The following PTPRG variants were observed in gnomAD, a reference collection of about 807,000 sequenced individuals.
The protein encoded by PTPRG is protein tyrosine phosphatase receptor type G.
Under a neutral mutation model 165.3 loss-of-function variants are expected in PTPRG, and 102 were observed. That is an observed-to-expected ratio of 0.62 (90% CI 0.53 to 0.73). The LOEUF is 0.73. Among genes scored for constraint, PTPRG ranks in the 30% least tolerant of loss-of-function variants. PTPRG has a pLI of 0.00. For synonymous variants in PTPRG, 675 were observed against 669.5 expected, an observed-to-expected ratio of 1.01 and a Z score of -0.13; for missense variants, 1,866 against 1,861.4, an observed-to-expected ratio of 1.00 and a Z score of -0.05.
chr3:61,886,177 A>G (rs1559669408), intron 2 of PTPRG, among the ~76,000 whole-genome samples: 1 of 152,138 alleles, frequency 6.6e-6, no homozygotes, highest in Non-Finnish European at 1.5e-5. Context: ...CCTTCCTTCC[A>G]ATTTCAAATC....
chr3:61,945,499 C>T (rs2039735036), intron 2 of PTPRG, among the ~76,000 whole-genome samples: 1 of 128,028 alleles, frequency 7.8e-6, no homozygotes, highest in Admixed American at 1.0e-4. Flanking sequence ...GTGGCGGTTG[C>T]AGTGAGCCAA....
chr3:62,083,060 T>C (rs939723506), intron 5 of PTPRG, among the ~76,000 whole-genome samples: 3 of 152,206 alleles, frequency 2.0e-5, no homozygotes, highest in African/African-American at 7.2e-5. Flanking sequence ...ATAGAGGAAT[T>C]TGTTGTTAAA....
rs376043244 is a variant in PTPRG at position 61,748,965 on chromosome 3, C to T, written c.173C>T (p.Pro58Leu). ...CGCAGGCGCAAGGCTTCAGGCGACC[C>T]GTACTGGGCCTACTCTGGTAAGTCC... ...QIRRRKASGD[P>L]YWAYSGAYGP... The change falls in exon 2 of 30, where the codon CCG (proline) becomes CTG (leucine). Residue 58 changes from proline (P) to leucine (L), a missense_variant. Pro to Leu is a moderately conservative substitution (Grantham distance 98). Coordinates refer to ENST00000474889, the MANE Select transcript of PTPRG (RefSeq NM_002841.4). The T allele has an allele frequency of 7.4e-6, 12 of 1,610,754 alleles. No homozygotes were observed. The highest frequency in any genetic ancestry group is 5.5e-5 in the South Asian group (5 of 90,458).
intron 1 of PTPRG, among the ~76,000 whole-genome samples, chr3:61,722,208 G>A (rs370169451): frequency 1.5e-4 from 22 of 146,272 alleles, no homozygotes; most frequent in Middle Eastern, 3.4e-3. Context: ...AGCAAAGAGA[G>A]AGGGCAAAAC....
At chr3:61,740,618 C>T (rs1293526369) in intron 1 of PTPRG, among the ~76,000 whole-genome samples, 6 of 151,896 alleles carry the variant, frequency 4.0e-5, no homozygotes, top group Admixed American at 2.6e-4. Flanking sequence ...GTATTTTGTT[C>T]TCTGCCTGGC....
intron 2 of PTPRG, among the ~76,000 whole-genome samples, chr3:61,862,533 A>G (rs908480230): frequency 3.3e-5 from 5 of 151,938 alleles, no homozygotes; most frequent in African/African-American, 7.3e-5. Context: ...GATTACAGGC[A>G]TGCACCACCA....
intron 5 of PTPRG, among the ~76,000 whole-genome samples, chr3:62,114,850 G>C (rs1559523687): frequency 6.6e-6 from 1 of 152,082 alleles, no homozygotes; most frequent in Non-Finnish European, 1.5e-5. Context: ...ATGTTGTCCA[G>C]GTTGGTCTTG....
rs1004605137 is a variant in PTPRG at position 62,194,970 on chromosome 3, G to C, written c.1219-92G>C. The C allele has an allele frequency of 3.4e-6, 4 of 1,174,550 alleles. No individual in the cohort carries two copies. The Admixed American group carries it at 6.9e-5, about 20-fold the overall frequency. The allele number at this position is 1,174,550 out of a possible 1,614,324, so 72.8% of individuals were successfully genotyped here. ...AGCAGGGAAGCATCACACCTGTCAG[G>C]CATTGTCACGGCACTCAGGTTTGGC... is the stretch of plus-strand genomic sequence containing the variant. On this transcript the variant is annotated intron_variant, in intron 9 of 29. Coordinates refer to ENST00000474889, the MANE Select transcript of PTPRG (RefSeq NM_002841.4).
At chr3:62,139,464 C>T (rs527814676) in intron 6 of PTPRG, among the ~76,000 whole-genome samples, 1 of 151,930 alleles carries the variant, frequency 6.6e-6, no homozygotes, top group Admixed American at 6.6e-5. Context: ...GTCCCCCCTT[C>T]CCCCAGAAAA....
Position 61,871,656 on chromosome 3 carries a change from A to T in PTPRG, c.191-117969A>T, listed in dbSNP as rs528668908. Among the ~76,000 whole-genome samples, 6 of 152,244 alleles carry T rather than the reference A, an allele frequency of 3.9e-5. No homozygotes were observed. The East Asian group carries it at 1.2e-3, about 29-fold the overall frequency. On this transcript the variant is annotated intron_variant, in intron 2 of 29. Coordinates refer to ENST00000474889, the MANE Select transcript of PTPRG (RefSeq NM_002841.4). ...CCATGAAAAGAGGAAAGTTTTGTTG[A>T]TGTGAAGATTTGTTTCTCTTTAGTT...
intron 1 of PTPRG, among the ~76,000 whole-genome samples, chr3:61,580,414 C>T (rs1700262253): frequency 7.2e-6 from 1 of 138,374 alleles, no homozygotes; most frequent in Admixed American, 8.2e-5. Flanking sequence ...CGGAGTCTTG[C>T]TCTGTCTCCA....
chr3:61,566,161 A>G (rs891557892), intron 1 of PTPRG, among the ~76,000 whole-genome samples: 1 of 152,236 alleles, frequency 6.6e-6, no homozygotes, highest in African/African-American at 2.4e-5. Flanking sequence ...GAAAGAAGAA[A>G]GGTCATAGGA....
intron 3 of PTPRG, 128 bp downstream of exon 3, chr3:61,989,932 T>C: frequency 1.0e-6 from 1 of 970,332 alleles, no homozygotes; most frequent in Non-Finnish European, 1.5e-6. Context: ...AAATCAGTCC[T>C]TAGTTTCAGA....
chr3:61,877,724 A>T (rs887316208), intron 2 of PTPRG, among the ~76,000 whole-genome samples: 8 of 152,366 alleles, frequency 5.3e-5, no homozygotes, highest in Middle Eastern at 3.4e-3. Flanking sequence ...GACAGTAAAA[A>T]GGAGAAAATG....
chr3:61,650,109 G>T (rs971070134), intron 1 of PTPRG, among the ~76,000 whole-genome samples: 1 of 152,144 alleles, frequency 6.6e-6, no homozygotes, highest in African/African-American at 2.4e-5. Context: ...AAGCACCAGG[G>T]ATTAAAAAGC....
At chr3:62,253,382 A>G (rs1341640796) in intron 15 of PTPRG, among the ~76,000 whole-genome samples, 1 of 152,154 alleles carries the variant, frequency 6.6e-6, no homozygotes, top group Non-Finnish European at 1.5e-5. Flanking sequence ...GTCATTTCTA[A>G]GTATATGAAA....
intron 4 of PTPRG, among the ~76,000 whole-genome samples, chr3:62,069,673 C>G (rs1202786147): frequency 2.0e-5 from 3 of 147,588 alleles, no homozygotes; most frequent in African/African-American, 7.8e-5. Context: ...CTCTCTCTCT[C>G]TCTCTCTCTC....
At chr3:62,160,349 C>G (rs1704702648) in intron 7 of PTPRG, among the ~76,000 whole-genome samples, 1 of 152,218 alleles carries the variant, frequency 6.6e-6, no homozygotes, top group East Asian at 1.9e-4. Context: ...ACTTGTACCT[C>G]TGGCTTGTGT....
chr3:62,071,113 C>T (rs1701196377), intron 4 of PTPRG, among the ~76,000 whole-genome samples: 1 of 152,028 alleles, frequency 6.6e-6, no homozygotes, highest in African/African-American at 2.4e-5. Context: ...TGTGTTCTTC[C>T]ACTTTAATAA....
Sources: allele counts gnomAD v4.1 joint callset (sites outside exome capture counted in the v4.1 genomes callset), GRCh38; gene constraint gnomAD v4.1.1; transcripts MANE v1.5; gene names NCBI Gene and HGNC (gene_info 2026-07-23, HGNC 2026-07-21).